The following SEM1 variants were observed in gnomAD, a reference collection of about 807,000 sequenced individuals.
SEM1 encodes 26S proteasome complex subunit SEM1.
Under a neutral mutation model 12.7 loss-of-function variants are expected in SEM1, and 3 were observed. That is an observed-to-expected ratio of 0.24 (90% CI 0.11 to 0.61). The LOEUF is 0.61. Among genes scored for constraint, SEM1 ranks in the 20% least tolerant of loss-of-function variants. SEM1 has a pLI of 0.88. For missense variants in SEM1, 59 were observed against 81.3 expected, an observed-to-expected ratio of 0.73 and a Z score of 1.06; for synonymous variants, 30 against 27.8, an observed-to-expected ratio of 1.08 and a Z score of -0.25.
At chr7:96,597,326 A>C (rs1346874887) in intron 2 of SEM1, among the ~76,000 whole-genome samples, 2 of 152,154 alleles carry the variant, frequency 1.3e-5, no homozygotes, top group African/African-American at 4.8e-5. Context: ...ACCTTAGATA[A>C]AGAGATTTAT....
At chr7:96,578,719 A>G (rs1806289156) in intron 2 of SEM1, among the ~76,000 whole-genome samples, 1 of 152,250 alleles carries the variant, frequency 6.6e-6, no homozygotes, top group Admixed American at 6.5e-5. Context: ...TTCTTTTCAT[A>G]GAAAGCATCT....
downstream of SEM1, among the ~76,000 whole-genome samples, chr7:96,687,526 C>T (rs905119264): frequency 2.0e-5 from 3 of 151,444 alleles, no homozygotes; most frequent in African/African-American, 4.9e-5. Flanking sequence ...AGTAAACTAT[C>T]GCAAGGACAA....
chr7:96,694,771 A>T, intron 2 of SEM1, 27 bp downstream of exon 2: 1 of 1,388,152 alleles, frequency 7.2e-7, no homozygotes, highest in Non-Finnish European at 1.0e-6. Flanking sequence ...ATACTGAACT[A>T]CAATAAAAAT....
chr7:96,602,635 T>C (rs966656152), intron 2 of SEM1, among the ~76,000 whole-genome samples: 2 of 152,302 alleles, frequency 1.3e-5, no homozygotes, highest in Admixed American at 6.5e-5. Context: ...ATCTAGTTTT[T>C]CCCCTAATTG....
At chr7:96,674,996 G>A (rs550100800) in intron 2 of SEM1, among the ~76,000 whole-genome samples, 1 of 152,106 alleles carries the variant, frequency 6.6e-6, no homozygotes, top group Admixed American at 6.6e-5. Context: ...AGGAGCATGG[G>A]GACACAGTAC....
chr7:96,667,698 A>T (rs1291451446), intron 2 of SEM1, among the ~76,000 whole-genome samples: 3 of 152,230 alleles, frequency 2.0e-5, no homozygotes, highest in African/African-American at 7.2e-5. Flanking sequence ...ATTAAACCAA[A>T]AAGCCTGGAT....
chr7:96,651,612 C>G (rs1808989912), intron 2 of SEM1, among the ~76,000 whole-genome samples: 1 of 152,200 alleles, frequency 6.6e-6, no homozygotes, highest in South Asian at 2.1e-4. Flanking sequence ...TGCTCTGTCA[C>G]CCAGGCTGGA....
At chr7:96,662,358 T>C (rs1789031452) in intron 2 of SEM1, among the ~76,000 whole-genome samples, 1 of 152,204 alleles carries the variant, frequency 6.6e-6, no homozygotes, top group Admixed American at 6.5e-5. Flanking sequence ...AATGAGTTCA[T>C]GTCTTTTGTA....
At chr7:96,531,445 A>G (rs1158125633) in intron 2 of SEM1, among the ~76,000 whole-genome samples, 1 of 151,496 alleles carries the variant, frequency 6.6e-6, no homozygotes, top group Non-Finnish European at 1.5e-5. Context: ...AAAACAAACA[A>G]AAAGAAAAAC....
At chr7:96,515,291 G>T (rs1224080238) in intron 2 of SEM1, among the ~76,000 whole-genome samples, 1 of 152,134 alleles carries the variant, frequency 6.6e-6, no homozygotes, top group Non-Finnish European at 1.5e-5. Flanking sequence ...ATCATCACTG[G>T]TCATCAGAGA....
chr7:96,700,797 CT>C (rs1468370083), intron 1 of SEM1, among the ~76,000 whole-genome samples: 1 of 152,092 alleles, frequency 6.6e-6, no homozygotes, highest in Non-Finnish European at 1.5e-5. Context: ...GTTTAATATC[CT>C]GGTTCACACC....
chr7:96,590,225 T>C (rs1335541107), intron 2 of SEM1, among the ~76,000 whole-genome samples: 1 of 152,190 alleles, frequency 6.6e-6, no homozygotes, highest in Non-Finnish European at 1.5e-5. Context: ...ACAGAGTGCC[T>C]ACTTAAATTT....
At chr7:96,549,799 G>A (rs1344357082) in intron 2 of SEM1, among the ~76,000 whole-genome samples, 3 of 152,090 alleles carry the variant, frequency 2.0e-5, no homozygotes, top group East Asian at 3.9e-4. Context: ...AGATGGACAG[G>A]GTGGGGTGGG....
intron 2 of SEM1, among the ~76,000 whole-genome samples, chr7:96,574,314 T>G (rs1410300399): frequency 1.3e-5 from 2 of 152,236 alleles, no homozygotes; most frequent in African/African-American, 4.8e-5. Flanking sequence ...ATGTGCCACA[T>G]TTTCTTAATC....
At chr7:96,574,344 A>G (rs566154652) in intron 2 of SEM1, among the ~76,000 whole-genome samples, 1 of 152,326 alleles carries the variant, frequency 6.6e-6, no homozygotes, top group African/African-American at 2.4e-5. Context: ...ACTGATGGAC[A>G]TCTGGGTTGG....
intron 2 of SEM1, among the ~76,000 whole-genome samples, chr7:96,557,785 C>T (rs902120204): frequency 1.3e-5 from 2 of 151,918 alleles, no homozygotes; most frequent in Non-Finnish European, 2.9e-5. Context: ...CGCCCTTCCC[C>T]CAGCCTCGCT....
intron 3 of SEM1, chr7:96,503,561 A>G (rs1412568568): frequency 6.6e-6 from 1 of 152,158 alleles, no homozygotes; most frequent in Non-Finnish European, 1.5e-5. Context: ...GAGAGAAGCT[A>G]ATCAATGTCC....
At chr7:96,528,288 G>C (rs1047366533) in intron 2 of SEM1, among the ~76,000 whole-genome samples, 41 of 152,108 alleles carry the variant, frequency 2.7e-4, no homozygotes, top group African/African-American at 9.7e-4. Flanking sequence ...CTGCCTCCAA[G>C]GCTCAAGCAA....
At chr7:96,635,788 G>A (rs1162590293) in intron 2 of SEM1, among the ~76,000 whole-genome samples, 2 of 151,848 alleles carry the variant, frequency 1.3e-5, no homozygotes, top group Non-Finnish European at 2.9e-5. Context: ...AACCAATATT[G>A]TAATAGAAAA....
Sources: gnomAD v4.1 joint callset for allele counts (sites outside exome capture counted in the v4.1 genomes callset) on GRCh38, gnomAD v4.1.1 for gene constraint, MANE v1.5 for transcripts, NCBI Gene and HGNC (gene_info 2026-07-23, HGNC 2026-07-21) for gene names.